Variants in EDC3 observed in about 807,000 individuals in gnomAD.
EDC3 encodes the protein enhancer of mRNA decapping 3, also known as enhancer of mRNA-decapping protein 3.
EDC3 carries 20 observed loss-of-function variants against 41.8 expected under a neutral mutation model. That is an observed-to-expected ratio of 0.48 (90% CI 0.34 to 0.70). EDC3 has a LOEUF of 0.70. Among genes scored for constraint, EDC3 ranks in the 30% least tolerant of loss-of-function variants. The pLI is 0.01. For synonymous variants in EDC3, 206 were observed against 243.2 expected (o/e 0.85, Z 1.42); for missense variants, 444 against 636.8 (o/e 0.70, Z 3.26).
At chr15:74,647,580 T>C (rs1415986463) in intron 4 of EDC3, among the ~76,000 whole-genome samples, 1 of 152,192 alleles carries the variant, frequency 6.6e-6, no homozygotes, top group Admixed American at 6.5e-5. Context: ...AGTACTGCTC[T>C]AAAACCTCAT....
chr15:74,659,266 C>A (rs1337043772), intron 3 of EDC3, among the ~76,000 whole-genome samples: 1 of 151,806 alleles, frequency 6.6e-6, no homozygotes, highest in African/African-American at 2.4e-5. Flanking sequence ...AGTTCAAGAC[C>A]AGCCTGATCA....
chr15:74,680,587 G>A (rs1483811245), intron 1 of EDC3, among the ~76,000 whole-genome samples: 3 of 152,082 alleles, frequency 2.0e-5, no homozygotes, highest in Non-Finnish European at 4.4e-5. Flanking sequence ...ATAAGAACAT[G>A]AACAAGGCAA....
chr15:74,654,246 T>G (rs550733091), intron 4 of EDC3, among the ~76,000 whole-genome samples: 1 of 141,944 alleles, frequency 7.0e-6, no homozygotes, highest in East Asian at 2.3e-4. Context: ...AGAGTGAGAC[T>G]TCGTCTCAAA....
intron 4 of EDC3, among the ~76,000 whole-genome samples, chr15:74,653,199 A>AG (rs1310622841): frequency 3.9e-5 from 6 of 152,068 alleles, no homozygotes; most frequent in Non-Finnish European, 1.5e-5. Flanking sequence ...AAAAAAAAAA[A>AG]AAAACCTTTA....
At chr15:74,633,596 G>C (rs935277291) in intron 6 of EDC3, among the ~76,000 whole-genome samples, 1 of 152,140 alleles carries the variant, frequency 6.6e-6, no homozygotes, top group African/African-American at 2.4e-5. Flanking sequence ...CAGGCTTCTG[G>C]GACAGTATTA....
intron 4 of EDC3, among the ~76,000 whole-genome samples, chr15:74,646,504 TAGG>T (rs1469587746): frequency 6.6e-6 from 1 of 152,230 alleles, no homozygotes; most frequent in Non-Finnish European, 1.5e-5. Context: ...GAGCTACAGG[TAGG>T]AGATGTCAGG....
intron 4 of EDC3, chr15:74,641,270 G>GA (rs1259593652): frequency 1.3e-5 from 2 of 152,144 alleles, no homozygotes; most frequent in African/African-American, 4.8e-5. Context: ...CAGTACTCAC[G>GA]AAACAGGGAA....
chr15:74,669,993 G>A (rs753268639), intron 3 of EDC3, among the ~76,000 whole-genome samples: 11 of 149,436 alleles, frequency 7.4e-5, no homozygotes, highest in Non-Finnish European at 1.5e-4. Flanking sequence ...ACAGGTGCAC[G>A]CTGCCACGCC....
chr15:74,649,234 T>C (rs760665489), intron 4 of EDC3, among the ~76,000 whole-genome samples: 2 of 151,868 alleles, frequency 1.3e-5, no homozygotes, highest in Non-Finnish European at 2.9e-5. Context: ...CCGGCTAATT[T>C]TTTTTTTGTT....
chr15:74,685,280 C>T (rs1167901650), intron 1 of EDC3, among the ~76,000 whole-genome samples: 1 of 152,074 alleles, frequency 6.6e-6, no homozygotes, highest in Non-Finnish European at 1.5e-5. Flanking sequence ...GCCTGTAATA[C>T]AAGCTACAGC....
intron 6 of EDC3, 84 bp downstream of exon 6, chr15:74,635,325 C>G (rs1176113312): frequency 7.5e-7 from 1 of 1,326,930 alleles, no homozygotes; most frequent in Non-Finnish European, 1.1e-6. Flanking sequence ...GCCTTTCCAC[C>G]TGTCGCCACT....
chr15:74,683,986 T>C (rs1310363242), intron 1 of EDC3, among the ~76,000 whole-genome samples: 1 of 151,918 alleles, frequency 6.6e-6, no homozygotes, highest in Admixed American at 6.6e-5. Flanking sequence ...GCTCAGGAGT[T>C]TGAGGTTACA....
chr15:74,634,865 T>C (rs932347674), intron 6 of EDC3, among the ~76,000 whole-genome samples: 1 of 152,156 alleles, frequency 6.6e-6, no homozygotes, highest in African/African-American at 2.4e-5. Flanking sequence ...AACCTAAATT[T>C]GATTATATCA....
At chr15:74,691,591 G>A (rs1444860982) in intron 1 of EDC3, among the ~76,000 whole-genome samples, 2 of 152,110 alleles carry the variant, frequency 1.3e-5, no homozygotes, top group African/African-American at 2.4e-5. Flanking sequence ...TCCGTAGGGG[G>A]TACACAAAGA....
Position 74,675,107 on chromosome 15 carries a change from C to T in EDC3, c.18G>A (p.Leu6=). Residue 6 remains leucine, a synonymous_variant, in exon 2 of 7, where the codon CTG becomes CTA. Coordinates refer to ENST00000315127, the MANE Select transcript of EDC3 (RefSeq NM_025083.5). ...CACAATTGATGGACACAATACTTCCCAGCCAATCTGTAGCCATGTTTCACA... is the reference window on the plus strand; with the variant it reads ...CACAATTGATGGACACAATACTTCCTAGCCAATCTGTAGCCATGTTTCACA... MATDW[L]GSIVSINCGD... is the part of the protein sequence containing the mutation. 1 of 1,613,500 alleles carries T rather than the reference C, an allele frequency of 6.2e-7. No homozygotes were observed. Among genetic ancestry groups the T allele is most frequent in the South Asian group, 1.1e-5 (1 of 91,082 alleles).
chr15:74,694,349 C>T (rs1157215655), intron 1 of EDC3, among the ~76,000 whole-genome samples: 3 of 152,040 alleles, frequency 2.0e-5, no homozygotes, highest in Non-Finnish European at 2.9e-5. Flanking sequence ...GTTCTTGTTG[C>T]CCAGGCTGGA....
rs1469113893 is a variant in EDC3 at position 74,632,337 on chromosome 15, A to C, written c.*275T>G. ...AGTCTTGAGAGCTGCCTACGGCTGTAAACAAAGGCCCACCTGGCCGTGCAG... is the reference window on the plus strand; with the variant it reads ...AGTCTTGAGAGCTGCCTACGGCTGTCAACAAAGGCCCACCTGGCCGTGCAG... On this transcript the variant is annotated 3_prime_UTR_variant, in exon 7 of 7. Coordinates refer to ENST00000315127, the MANE Select transcript of EDC3 (RefSeq NM_025083.5). The surrounding 1 kb of genome is among the most constrained non-coding windows in gnomAD (Gnocchi z 4.0). 6.0e-6 allele frequency: 3 copies of C among 499,910 alleles called. No homozygotes were observed. The highest frequency in any genetic ancestry group is 1.1e-5 in the Non-Finnish European group (3 of 275,144). The allele number at this position is 499,910 out of a possible 1,614,324, so 31.0% of individuals were successfully genotyped here.
At chr15:74,653,318 A>T (rs747383262) in intron 4 of EDC3, among the ~76,000 whole-genome samples, 1 of 152,240 alleles carries the variant, frequency 6.6e-6, no homozygotes, top group African/African-American at 2.4e-5. Flanking sequence ...TATATATTCT[A>T]GTTTGCCTTT....
chr15:74,677,324 T>C (rs2062817559), intron 1 of EDC3, among the ~76,000 whole-genome samples: 1 of 150,976 alleles, frequency 6.6e-6, no homozygotes, highest in South Asian at 2.1e-4. Context: ...CCTCCCAAAG[T>C]GCTGGGATTA....
Sources: allele counts gnomAD v4.1 joint callset (sites outside exome capture counted in the v4.1 genomes callset), GRCh38; gene constraint gnomAD v4.1.1; non-coding constraint Gnocchi (gnomAD v3.1); transcripts MANE v1.5; gene names NCBI Gene and HGNC (gene_info 2026-07-23, HGNC 2026-07-21).